The following DTNB variants were observed in gnomAD, a reference collection of about 807,000 sequenced individuals.
The protein encoded by DTNB is dystrobrevin beta.
DTNB carries 63 observed loss-of-function variants against 90.7 expected under a neutral mutation model. The ratio of observed to expected loss-of-function variants is 0.69; its 90% CI spans 0.57 to 0.86. The LOEUF is 0.86. DTNB is among the 40% of genes least tolerant of loss of function. The probability of loss-of-function intolerance (pLI) is 0.00; values close to 1 mark genes in which losing one functional copy is unlikely to be tolerated. For missense variants in DTNB, 744 were observed against 807.1 expected, an observed-to-expected ratio of 0.92 and a Z score of 0.95; for synonymous variants, 277 against 286.7, an observed-to-expected ratio of 0.97 and a Z score of 0.34.
chr2:25,520,028 C>T (rs370466100), intron 9 of DTNB, among the ~76,000 whole-genome samples: 20 of 152,092 alleles, frequency 1.3e-4, no homozygotes, highest in South Asian at 8.3e-4. Context: ...CTGTAACACC[C>T]GATAATTGGA....
intron 8 of DTNB, among the ~76,000 whole-genome samples, chr2:25,536,474 G>A (rs993184656): frequency 6.6e-6 from 1 of 152,184 alleles, no homozygotes; most frequent in African/African-American, 2.4e-5. Flanking sequence ...GGCCGAGGCG[G>A]GCAGATCACC....
chr2:25,407,694 T>C (rs1466895611), intron 16 of DTNB, among the ~76,000 whole-genome samples: 1 of 152,206 alleles, frequency 6.6e-6, no homozygotes, highest in Non-Finnish European at 1.5e-5. Flanking sequence ...TGCTGTGTGT[T>C]CTCACTTATA....
chr2:25,628,289 C>T lies in DTNB; in HGVS notation c.244G>A (p.Glu82Lys), dbSNP rs768951661. The T allele has an allele frequency of 5.0e-6, 8 of 1,610,482 alleles. No individual in the cohort carries two copies. Among genetic ancestry groups the T allele is most frequent in the Middle Eastern group, 1.6e-4 (1 of 6,076 alleles). The change falls in exon 4 of 21, where the codon GAA becomes AAA. Residue 82 changes from glutamate (E) to lysine (K), a missense_variant. Coordinates refer to ENST00000406818, the MANE Select transcript of DTNB (RefSeq NM_021907.5). ...HTTEISVSRL[E>K]TVISSIYYQL... ...TAGTAGATGGAGGAGATGACAGTTT[C>T]GAGGCGGGACACACTGATCTCGGTG...
At chr2:25,439,394 TA>T (rs1483868090) in intron 12 of DTNB, among the ~76,000 whole-genome samples, 1 of 152,004 alleles carries the variant, frequency 6.6e-6, no homozygotes, top group Non-Finnish European at 1.5e-5. Context: ...TCCCAGCTAC[TA>T]GGGGGCTGAG....
intron 12 of DTNB, among the ~76,000 whole-genome samples, chr2:25,437,061 C>T (rs1202235558): frequency 6.6e-6 from 1 of 152,034 alleles, no homozygotes; most frequent in African/African-American, 2.4e-5. Flanking sequence ...TGGTTGGCTC[C>T]AAGAAGCACT....
intron 8 of DTNB, among the ~76,000 whole-genome samples, chr2:25,560,926 G>A (rs1002032995): frequency 2.6e-5 from 4 of 152,080 alleles, no homozygotes; most frequent in African/African-American, 9.7e-5. Context: ...TAATACATAT[G>A]TCCTCTCTGA....
chr2:25,508,397 A>ATCCATTCTGAATGTCAAATATGC (rs2073022345), intron 9 of DTNB, among the ~76,000 whole-genome samples: 1 of 152,086 alleles, frequency 6.6e-6, no homozygotes, highest in Non-Finnish European at 1.5e-5. Flanking sequence ...GTTAAATATG[A>ATCCATTCTGAATGTCAAATATGC]TCCATTCTGA....
chr2:25,550,389 TCAAAAA>T (rs902952432), intron 8 of DTNB, among the ~76,000 whole-genome samples: 46 of 152,102 alleles, frequency 3.0e-4, no homozygotes, highest in African/African-American at 1.0e-3. Flanking sequence ...AGACTCTGTC[TCAAAAA>T]CAAAAACAAA....
chr2:25,508,270 T>C (rs1210824730), intron 9 of DTNB, among the ~76,000 whole-genome samples: 2 of 152,114 alleles, frequency 1.3e-5, no homozygotes, highest in African/African-American at 4.8e-5. Context: ...GAATGACTGA[T>C]AAACAGAGAA....
At chr2:25,633,716 G>A (rs2076316842) in intron 3 of DTNB, among the ~76,000 whole-genome samples, 1 of 151,936 alleles carries the variant, frequency 6.6e-6, no homozygotes, top group South Asian at 2.1e-4. Flanking sequence ...TCTAGGAAGT[G>A]AGGAGCGCCT....
chr2:25,660,717 A>G (rs2083002478), intron 1 of DTNB, among the ~76,000 whole-genome samples: 3 of 152,138 alleles, frequency 2.0e-5, no homozygotes, highest in Admixed American at 2.0e-4. Context: ...TAATTCCAAA[A>G]CTGCATTTTA....
intron 8 of DTNB, among the ~76,000 whole-genome samples, chr2:25,545,307 A>G (rs1246607594): frequency 6.6e-6 from 1 of 152,180 alleles, no homozygotes; most frequent in Non-Finnish European, 1.5e-5. Context: ...AGTTCTTGGC[A>G]TGCTAAACCT....
At chr2:25,427,747 G>T in intron 14 of DTNB, 116 bp from the exon 15 acceptor site, 2 of 921,384 alleles carry the variant, frequency 2.2e-6, no homozygotes, top group African/African-American at 1.7e-5. Flanking sequence ...CGCTGAGCAA[G>T]TCATTTAGCA....
At chr2:25,602,600 A>G (rs979052623) in intron 5 of DTNB, among the ~76,000 whole-genome samples, 1 of 152,244 alleles carries the variant, frequency 6.6e-6, no homozygotes, top group African/African-American at 2.4e-5. Flanking sequence ...GGAAGCAAAC[A>G]GTTGAAACAT....
At chr2:25,553,594 G>A (rs530833210) in intron 8 of DTNB, among the ~76,000 whole-genome samples, 2 of 151,930 alleles carry the variant, frequency 1.3e-5, no homozygotes, top group African/African-American at 4.8e-5. Context: ...AAAAAAATTA[G>A]CCGGGTGTGG....
Position 25,628,152 on chromosome 2 carries a change from A to G in DTNB, c.362+19T>C, listed in dbSNP as rs749615031. On this transcript the variant is annotated intron_variant, in intron 4 of 20. Coordinates refer to ENST00000406818, the MANE Select transcript of DTNB (RefSeq NM_021907.5). ...TGTTCTTAAAATGAAGTAAGCGTGT[A>G]AGGTAAGGTACTACTAGCCTGTCAT... 1.1e-5 allele frequency: 17 copies of G among 1,608,280 alleles called. No individual in the cohort carries two copies. The highest frequency in any genetic ancestry group is 1.4e-5 in the Non-Finnish European group (17 of 1,175,040).
intron 5 of DTNB, among the ~76,000 whole-genome samples, chr2:25,601,286 TC>T (rs889205166): frequency 1.3e-5 from 2 of 152,140 alleles, no homozygotes; most frequent in African/African-American, 4.8e-5. Context: ...ACTTCCCACA[TC>T]CCCAGTTAAT....
At chr2:25,655,918 C>A (rs1255570304) in intron 1 of DTNB, among the ~76,000 whole-genome samples, 2 of 152,110 alleles carry the variant, frequency 1.3e-5, no homozygotes, top group Non-Finnish European at 2.9e-5. Context: ...AATACTCCAA[C>A]TACCTTTCCC....
At chr2:25,439,915 G>GA (rs1227247472) in intron 12 of DTNB, among the ~76,000 whole-genome samples, 1 of 152,164 alleles carries the variant, frequency 6.6e-6, no homozygotes, top group African/African-American at 2.4e-5. Context: ...AGCAAAGGCA[G>GA]AACTCTTAAA....
Sources: allele counts gnomAD v4.1 joint callset (sites outside exome capture counted in the v4.1 genomes callset), GRCh38; gene constraint gnomAD v4.1.1; transcripts MANE v1.5; gene names NCBI Gene and HGNC (gene_info 2026-07-23, HGNC 2026-07-21).